FMN2: variants seen among roughly 807,000 people sequenced by gnomAD.
FMN2 encodes formin-2.
A neutral mutation model predicts 142.3 loss-of-function variants in FMN2; 51 were observed. The observed-to-expected ratio is 0.36, with a 90% confidence interval of 0.29 to 0.45. FMN2 has a LOEUF of 0.45. FMN2 is among the 20% of genes least tolerant of loss of function. The pLI, the probability that FMN2 is intolerant of heterozygous loss-of-function variation, is 1.00. For synonymous variants in FMN2, 882 were observed against 869.8 expected (o/e 1.01, Z -0.25); for missense variants, 1,936 against 2,122.8 (o/e 0.91, Z 1.73).
intron 2 of FMN2, chr1:240,144,780 C>G: frequency 7.1e-7 from 1 of 1,402,436 alleles, no homozygotes; most frequent in Non-Finnish European, 1.0e-6. Flanking sequence ...TGCTCTGCGT[C>G]GTGGACCATG....
chr1:240,472,113 A>T, intron 16 of FMN2: 1 of 359,120 alleles, frequency 2.8e-6, no homozygotes, highest in South Asian at 4.6e-5. Context: ...CACTCTGCAT[A>T]GAAATTCTTA....
At chr1:240,398,949 G>GGCAAT (rs1673881082) in intron 15 of FMN2, among the ~76,000 whole-genome samples, 1 of 152,026 alleles carries the variant, frequency 6.6e-6, no homozygotes, top group Admixed American at 6.5e-5. Flanking sequence ...TTCAGACTCG[G>GGCAAT]GCAATGTATT....
intron 2 of FMN2, among the ~76,000 whole-genome samples, chr1:240,126,417 A>T (rs909885104): frequency 3.0e-5 from 4 of 132,754 alleles, no homozygotes; most frequent in Non-Finnish European, 4.6e-5. Flanking sequence ...CCACCTCCTT[A>T]TCCTCTCCGT....
At chr1:240,182,265 A>T (rs1258998515) in intron 3 of FMN2, among the ~76,000 whole-genome samples, 1 of 152,212 alleles carries the variant, frequency 6.6e-6, no homozygotes, top group Admixed American at 6.5e-5. Context: ...AGGTGTGTAG[A>T]TGTGAATAGG....
At chr1:240,149,543 T>TAA (rs1663673229) in intron 2 of FMN2, among the ~76,000 whole-genome samples, 1 of 152,244 alleles carries the variant, frequency 6.6e-6, no homozygotes, top group Non-Finnish European at 1.5e-5. Context: ...CATTTCTTTT[T>TAA]GGCATGTTTC....
intron 7 of FMN2, among the ~76,000 whole-genome samples, chr1:240,263,631 A>G (rs1668702380): frequency 6.6e-6 from 1 of 152,198 alleles, no homozygotes; most frequent in Non-Finnish European, 1.5e-5. Flanking sequence ...CCTCTGGAGA[A>G]TGGCCTTTCT....
chr1:240,356,060 A>G (rs1572224427), intron 14 of FMN2, 152 bp downstream of exon 14: 1 of 596,544 alleles, frequency 1.7e-6, no homozygotes, highest in Non-Finnish European at 2.9e-6. Context: ...AAACAGATTA[A>G]GTTGAATTAT....
chr1:240,263,524 A>G (rs986311951), intron 7 of FMN2, among the ~76,000 whole-genome samples: 2 of 152,192 alleles, frequency 1.3e-5, no homozygotes, highest in Non-Finnish European at 2.9e-5. Context: ...GAATGACTTT[A>G]ATTTCACCAT....
At chr1:240,183,870 G>A (rs1284175366) in intron 3 of FMN2, among the ~76,000 whole-genome samples, 1 of 152,096 alleles carries the variant, frequency 6.6e-6, no homozygotes, top group African/African-American at 2.4e-5. Flanking sequence ...AAATTGACTG[G>A]ATTTGAATCA....
intron 2 of FMN2, chr1:240,144,337 G>A: frequency 6.2e-7 from 1 of 1,606,266 alleles, no homozygotes; most frequent in Middle Eastern, 1.7e-4. Context: ...TTTTGTAGAT[G>A]TCATCAGGCA....
intron 13 of FMN2, 149 bp from the exon 14 acceptor site, chr1:240,355,667 C>T (rs185484674): frequency 1.6e-5 from 8 of 485,418 alleles, no homozygotes; most frequent in Admixed American, 7.1e-5. Flanking sequence ...TTCTCATGTC[C>T]GTATTTGGAT....
chr1:240,149,979 AT>A (rs1255017720), intron 2 of FMN2, among the ~76,000 whole-genome samples: 3 of 152,166 alleles, frequency 2.0e-5, no homozygotes, highest in Non-Finnish European at 4.4e-5. Flanking sequence ...AGAGAAAACA[AT>A]CTGATATGTA....
rs756818041 is a variant in FMN2 at position 240,329,519 on chromosome 1, C to A, written c.4437+51C>A. ...AACTTGAGTCTCATTTAATTGTGCT[C>A]AGCCATGTTCTTATTTCAGAAAAGC... On this transcript the variant is annotated intron_variant, in intron 10 of 17. Transcript: ENST00000319653. The A allele has an allele frequency of 2.5e-6, 4 of 1,576,812 alleles. No individual in the cohort carries two copies. In the South Asian group the frequency reaches 3.5e-5, roughly 14 times the overall value.
intron 4 of FMN2, among the ~76,000 whole-genome samples, chr1:240,189,021 T>G (rs1374138475): frequency 6.6e-6 from 1 of 151,946 alleles, no homozygotes; most frequent in Non-Finnish European, 1.5e-5. Context: ...TCCCACCAGG[T>G]CCCTCCCACA....
chr1:240,291,513 A>G (rs1669793089), intron 7 of FMN2, among the ~76,000 whole-genome samples: 1 of 152,202 alleles, frequency 6.6e-6, no homozygotes, highest in African/African-American at 2.4e-5. Context: ...GCTGAATATT[A>G]GAGAATAAAG....
intron 15 of FMN2, among the ~76,000 whole-genome samples, chr1:240,422,822 C>T (rs1314568169): frequency 6.6e-6 from 1 of 152,156 alleles, no homozygotes; most frequent in Non-Finnish European, 1.5e-5. Context: ...TTCTTAGTTA[C>T]TTGATCTTTG....
chr1:240,337,163 C>T (rs1196363549), intron 13 of FMN2, among the ~76,000 whole-genome samples: 4 of 142,190 alleles, frequency 2.8e-5, no homozygotes, highest in Non-Finnish European at 6.1e-5. Flanking sequence ...GAAATAATGT[C>T]TACTTTGATC....
chr1:240,438,327 G>A lies in FMN2; in HGVS notation c.5060+117G>A, dbSNP rs775029786. 20 of 1,132,590 alleles carry A rather than the reference G, an allele frequency of 1.8e-5. No homozygotes were observed. The South Asian group carries it at 2.8e-4, about 16-fold the overall frequency. 70.2% of individuals were successfully genotyped at this position (1,132,590 alleles called of 1,614,324 possible). A position where few individuals can be genotyped will look rare whatever the true frequency, so the allele number is the denominator to read the frequency against. ...AAAATTAGATGGCCCTCAACCCGGG[G>A]TAGCAAGTTGAAGAGGATGCTGACA... On this transcript the variant is annotated intron_variant, in intron 16 of 17. Transcript: ENST00000319653.
At chr1:240,339,741 C>T (rs974583023) in intron 13 of FMN2, among the ~76,000 whole-genome samples, 1 of 152,050 alleles carries the variant, frequency 6.6e-6, no homozygotes, top group Non-Finnish European at 1.5e-5. Context: ...CATGTGCATA[C>T]ATACATGAAT....
Sources: gnomAD v4.1 joint callset for allele counts (sites outside exome capture counted in the v4.1 genomes callset) on GRCh38, gnomAD v4.1.1 for gene constraint, MANE v1.5 for transcripts, NCBI Gene and HGNC (gene_info 2026-07-23, HGNC 2026-07-21) for gene names.